Variants in DGKI observed in about 807,000 individuals in gnomAD.
DGKI encodes the protein DAG kinase iota.
A neutral mutation model predicts 147.5 loss-of-function variants in DGKI; 55 were observed. That is an observed-to-expected ratio of 0.37 (90% CI 0.30 to 0.47). The LOEUF is 0.47. Ranked by LOEUF, DGKI falls within the 20% of genes least tolerant of loss-of-function variation. The pLI is 1.00. For missense variants in DGKI, 1,007 were observed against 1,323.8 expected (o/e 0.76, Z 3.71); for synonymous variants, 469 against 477.1 (o/e 0.98, Z 0.22).
At chr7:137,533,161 C>T (rs1311091952) in intron 20 of DGKI, among the ~76,000 whole-genome samples, 1 of 152,056 alleles carries the variant, frequency 6.6e-6, no homozygotes, top group Middle Eastern at 3.4e-3. Flanking sequence ...CGGTGGCATG[C>T]AACTGTTGTC....
intron 1 of DGKI, among the ~76,000 whole-genome samples, chr7:137,714,627 C>T (rs1439864495): frequency 6.6e-6 from 1 of 152,210 alleles, no homozygotes; most frequent in Non-Finnish European, 1.5e-5. Flanking sequence ...TCACACCTAT[C>T]ACACAAGTTG....
intron 19 of DGKI, among the ~76,000 whole-genome samples, chr7:137,560,234 G>A (rs1214740963): frequency 3.9e-5 from 6 of 152,106 alleles, no homozygotes; most frequent in Admixed American, 3.9e-4. Context: ...AAAGAGGCCA[G>A]TGAAGATAAA....
chr7:137,753,436 A>C (rs548684520), intron 1 of DGKI, among the ~76,000 whole-genome samples: 1 of 152,320 alleles, frequency 6.6e-6, no homozygotes, highest in African/African-American at 2.4e-5. Context: ...GAGGGTTCCA[A>C]GGCCTTTCAG....
intron 1 of DGKI, among the ~76,000 whole-genome samples, chr7:137,783,950 T>G (rs1344144918): frequency 6.6e-6 from 1 of 152,154 alleles, no homozygotes; most frequent in Non-Finnish European, 1.5e-5. Flanking sequence ...CACTCCCAAG[T>G]CAGCATTACA....
At chr7:137,681,652 CATA>C (rs1349000086) in intron 2 of DGKI, among the ~76,000 whole-genome samples, 2 of 152,214 alleles carry the variant, frequency 1.3e-5, no homozygotes, top group African/African-American at 4.8e-5. Context: ...GAACTAGATG[CATA>C]ATAACAGCAG....
intron 27 of DGKI, among the ~76,000 whole-genome samples, chr7:137,459,701 C>A (rs1037491340): frequency 1.5e-4 from 23 of 152,084 alleles, no homozygotes; most frequent in Admixed American, 5.2e-4. Flanking sequence ...GTCTTGATCT[C>A]CTGACCTCGT....
intron 1 of DGKI, among the ~76,000 whole-genome samples, chr7:137,755,535 C>T (rs952372984): frequency 5.3e-5 from 8 of 152,188 alleles, no homozygotes; most frequent in Admixed American, 6.5e-5. Flanking sequence ...GGAAACAAAT[C>T]GACCTGAATG....
At chr7:137,490,083 T>C (rs1815708815) in intron 21 of DGKI, among the ~76,000 whole-genome samples, 1 of 152,166 alleles carries the variant, frequency 6.6e-6, no homozygotes, top group African/African-American at 2.4e-5. Flanking sequence ...GATTGAGCAA[T>C]ACTTAGCTGT....
intron 1 of DGKI, among the ~76,000 whole-genome samples, chr7:137,767,140 C>A (rs1182032318): frequency 2.0e-5 from 3 of 152,202 alleles, no homozygotes; most frequent in African/African-American, 7.2e-5. Flanking sequence ...ATCCTGTCAG[C>A]TCTTCAGAGC....
intron 30 of DGKI, among the ~76,000 whole-genome samples, chr7:137,398,261 G>A (rs1811626164): frequency 6.6e-6 from 1 of 152,048 alleles, no homozygotes; most frequent in Non-Finnish European, 1.5e-5. Flanking sequence ...AGGCAAGGGG[G>A]GATATATGAT....
intron 20 of DGKI, among the ~76,000 whole-genome samples, chr7:137,525,414 T>G (rs753259700): frequency 1.5e-4 from 23 of 152,170 alleles, no homozygotes; most frequent in Non-Finnish European, 2.6e-4. Flanking sequence ...CATCAGCAAA[T>G]TCTAGGGCAT....
intron 28 of DGKI, among the ~76,000 whole-genome samples, chr7:137,440,914 GTAT>G (rs1159865503): frequency 6.6e-6 from 1 of 152,116 alleles, no homozygotes; most frequent in African/African-American, 2.4e-5. Flanking sequence ...GCTAAATGGT[GTAT>G]TAAACATTTT....
chr7:137,716,878 A>C (rs766591279), intron 1 of DGKI, among the ~76,000 whole-genome samples: 36 of 152,342 alleles, frequency 2.4e-4, no homozygotes, highest in Non-Finnish European at 4.7e-4. Context: ...TTCTGGCCTA[A>C]GAAAATTTTT....
intron 20 of DGKI, among the ~76,000 whole-genome samples, chr7:137,526,002 A>C (rs1817132035): frequency 6.6e-6 from 1 of 151,960 alleles, no homozygotes; most frequent in South Asian, 2.1e-4. Context: ...CAGCTAGAAC[A>C]TGGGGGAGTC....
chr7:137,698,125 T>C (rs371387591), intron 1 of DGKI, among the ~76,000 whole-genome samples: 163 of 150,792 alleles, frequency 1.1e-3, no homozygotes, highest in South Asian at 9.2e-3. Context: ...TATATAGATA[T>C]AGATATAGAT....
intron 21 of DGKI, among the ~76,000 whole-genome samples, chr7:137,518,302 T>C (rs1350330579): frequency 6.6e-6 from 1 of 152,150 alleles, no homozygotes; most frequent in Non-Finnish European, 1.5e-5. Context: ...AGAAATTAAA[T>C]GACTTTGTCA....
At chr7:137,657,981 A>G (rs1822285224) in intron 3 of DGKI, among the ~76,000 whole-genome samples, 2 of 152,288 alleles carry the variant, frequency 1.3e-5, no homozygotes, top group South Asian at 4.1e-4. Flanking sequence ...AAATCCACTG[A>G]CTGAGATTCC....
chr7:137,501,975 G>A (rs1281315462), intron 21 of DGKI, among the ~76,000 whole-genome samples: 6 of 152,132 alleles, frequency 3.9e-5, no homozygotes, highest in Non-Finnish European at 7.4e-5. Flanking sequence ...AGATCTGATG[G>A]TTTTAAAAAT....
intron 6 of DGKI, among the ~76,000 whole-genome samples, chr7:137,626,322 G>C (rs1034267630): frequency 2.2e-5 from 3 of 139,048 alleles, no homozygotes; most frequent in African/African-American, 8.0e-5. Context: ...AAGTGCTTCT[G>C]ACACACACAC....
Sources: gnomAD v4.1 joint callset for allele counts (sites outside exome capture counted in the v4.1 genomes callset) on GRCh38, gnomAD v4.1.1 for gene constraint, MANE v1.5 for transcripts, NCBI Gene and HGNC (gene_info 2026-07-23, HGNC 2026-07-21) for gene names.